PTPRG: variants seen among roughly 807,000 people sequenced by gnomAD.
PTPRG encodes protein tyrosine phosphatase receptor type G, also known as receptor-type tyrosine-protein phosphatase gamma.
A neutral mutation model predicts 165.3 loss-of-function variants in PTPRG; 102 were observed. That is an observed-to-expected ratio of 0.62 (90% confidence interval 0.53 to 0.73). PTPRG has a LOEUF of 0.73. Ranked by LOEUF, PTPRG falls within the 30% of genes least tolerant of loss-of-function variation. PTPRG has a pLI of 0.00. For missense variants in PTPRG, 1,866 were observed against 1,861.4 expected, an observed-to-expected ratio of 1.00 and a Z score of -0.05; for synonymous variants, 675 against 669.5, an observed-to-expected ratio of 1.01 and a Z score of -0.13.
At chr3:61,873,107 T>G (rs2037628087) in intron 2 of PTPRG, among the ~76,000 whole-genome samples, 1 of 152,194 alleles carries the variant, frequency 6.6e-6, no homozygotes, top group African/African-American at 2.4e-5. Context: ...TCAGTAAAGT[T>G]GAAGATTTCT....
At chr3:61,858,666 TATA>T (rs2037179979) in intron 2 of PTPRG, among the ~76,000 whole-genome samples, 1 of 152,192 alleles carries the variant, frequency 6.6e-6, no homozygotes, top group Non-Finnish European at 1.5e-5. Flanking sequence ...GAAACACTAT[TATA>T]ATAAATATGA....
At chr3:61,742,374 T>C (rs1340810490) in intron 1 of PTPRG, 4 of 1,007,934 alleles carry the variant, frequency 4.0e-6, no homozygotes, top group Admixed American at 2.9e-5. Context: ...GACATTTTTA[T>C]AGGAAGAAAT....
At chr3:62,232,846 T>C (rs918502902) in intron 14 of PTPRG, among the ~76,000 whole-genome samples, 1 of 152,194 alleles carries the variant, frequency 6.6e-6, no homozygotes, top group Non-Finnish European at 1.5e-5. Flanking sequence ...TGATTGTGAA[T>C]CATATCATTT....
intron 2 of PTPRG, among the ~76,000 whole-genome samples, chr3:61,844,652 A>G (rs2036752943): frequency 6.9e-6 from 1 of 145,086 alleles, no homozygotes; most frequent in African/African-American, 2.6e-5. Context: ...ACGCCGCCAC[A>G]TCTGGCTTTT....
chr3:61,863,809 G>A (rs1248083198), intron 2 of PTPRG, among the ~76,000 whole-genome samples: 1 of 152,212 alleles, frequency 6.6e-6, no homozygotes, highest in African/African-American at 2.4e-5. Context: ...ACCTTTGAAT[G>A]TGCAGTTCAA....
At chr3:62,003,522 G>T (rs138601102) in intron 4 of PTPRG, 25 bp downstream of exon 4, 4 of 1,611,752 alleles carry the variant, frequency 2.5e-6, no homozygotes, top group Non-Finnish European at 3.4e-6. Flanking sequence ...AGATCTCAAC[G>T]TGTAGCTGTG....
Position 61,835,917 on chromosome 3 carries a change from G to A in PTPRG, c.190+86935G>A, listed in dbSNP as rs555781520. Among the ~76,000 whole-genome samples, 1,187 of 151,924 alleles carry A rather than the reference G, an allele frequency of 7.8e-3. 9 individuals carry two copies. The highest frequency in any genetic ancestry group is 0.013 in the Non-Finnish European group (868 of 67,958). On this transcript the variant is annotated intron_variant, in intron 2 of 29. Coordinates refer to ENST00000474889, the MANE Select transcript of PTPRG (RefSeq NM_002841.4). Reference sequence around the variant, plus strand: ...TAGCCAGGCATGGTGGCACATGCCTGTAATTCCAGCTACTTGGGAGGCTAA... The same window carrying A: ...TAGCCAGGCATGGTGGCACATGCCTATAATTCCAGCTACTTGGGAGGCTAA...
At chr3:61,772,766 A>G (rs1046275322) in intron 2 of PTPRG, among the ~76,000 whole-genome samples, 6 of 152,196 alleles carry the variant, frequency 3.9e-5, no homozygotes, top group African/African-American at 1.4e-4. Context: ...GCTTTTTCAC[A>G]CTACCAAAGC....
At chr3:61,715,044 A>G (rs1237336741) in intron 1 of PTPRG, among the ~76,000 whole-genome samples, 3 of 152,214 alleles carry the variant, frequency 2.0e-5, no homozygotes, top group African/African-American at 7.2e-5. Context: ...GTGAAGAAAC[A>G]TTGCTGGTCA....
At chr3:61,755,875 C>T (rs533950418) in intron 2 of PTPRG, among the ~76,000 whole-genome samples, 2 of 152,094 alleles carry the variant, frequency 1.3e-5, no homozygotes, top group South Asian at 4.1e-4. Context: ...AGAGCTTCAC[C>T]TGGAATTGGA....
intron 2 of PTPRG, among the ~76,000 whole-genome samples, chr3:61,965,482 C>T (rs71296750): frequency 0.21 from 27,866 of 134,486 alleles, 3,044 homozygotes; most frequent in African/African-American, 0.27. Context: ...AGCAAGACTC[C>T]GTCTCAAAAA....
intron 2 of PTPRG, among the ~76,000 whole-genome samples, chr3:61,940,893 T>G (rs1397693106): frequency 6.6e-6 from 1 of 152,142 alleles, no homozygotes; most frequent in Non-Finnish European, 1.5e-5. Flanking sequence ...CTCGATCTCC[T>G]GACCTCATGA....
intron 8 of PTPRG, among the ~76,000 whole-genome samples, chr3:62,186,278 A>G (rs1705881039): frequency 6.6e-6 from 1 of 152,140 alleles, no homozygotes; most frequent in Non-Finnish European, 1.5e-5. Flanking sequence ...TGTGGCACTG[A>G]TTTTGTACAT....
Position 62,037,289 on chromosome 3 carries a change from G to C in PTPRG, c.519+33792G>C, listed in dbSNP as rs1699977586. On this transcript the variant is annotated intron_variant, in intron 4 of 29. Transcript: ENST00000474889. ...TTATTGACATGGTGCCAGATCACCA[G>C]GTTGGTGGAACTTGTCTCTTGATGT... Among the ~76,000 whole-genome samples the C allele has an allele frequency of 2.0e-5, 3 of 152,156 alleles. No homozygotes were observed. In the South Asian group the frequency reaches 6.2e-4, roughly 32 times the overall value.
At chr3:61,600,159 C>CAAAAAAA (rs376881197) in intron 1 of PTPRG, among the ~76,000 whole-genome samples, 2 of 113,560 alleles carry the variant, frequency 1.8e-5, no homozygotes, top group Admixed American at 9.3e-5. Flanking sequence ...GACATTGTCT[C>CAAAAAAA]AAAAAAAAAA....
intron 3 of PTPRG, among the ~76,000 whole-genome samples, chr3:61,996,268 A>G (rs2041038099): frequency 1.3e-5 from 2 of 152,084 alleles, no homozygotes; most frequent in African/African-American, 4.8e-5. Context: ...CCCCAAATGT[A>G]TTTCTGGGAG....
Position 62,142,628 on chromosome 3 carries a change from C to G in PTPRG, c.682+9960C>G, listed in dbSNP as rs546791698. Among the ~76,000 whole-genome samples the G allele has an allele frequency of 2.0e-5, 3 of 152,270 alleles. No individual in the cohort carries two copies. The East Asian group carries it at 5.8e-4, about 29-fold the overall frequency. On this transcript the variant is annotated intron_variant, in intron 6 of 29. Transcript: ENST00000474889. Reference sequence around the variant, plus strand: ...GGGGAGTGACAGCACTTTTTAAAAACTTTCTTACCATAACTACCCCTGACA... The same window carrying G: ...GGGGAGTGACAGCACTTTTTAAAAAGTTTCTTACCATAACTACCCCTGACA...
chr3:61,964,992 C>G (rs2040236126), intron 2 of PTPRG, among the ~76,000 whole-genome samples: 1 of 152,076 alleles, frequency 6.6e-6, no homozygotes, highest in African/African-American at 2.4e-5. Flanking sequence ...CCTGTAATTC[C>G]AGCACTTTGG....
intron 2 of PTPRG, among the ~76,000 whole-genome samples, chr3:61,859,529 G>A (rs2037201499): frequency 6.6e-6 from 1 of 151,224 alleles, no homozygotes; most frequent in Non-Finnish European, 1.5e-5. Flanking sequence ...GGAAAAATTT[G>A]TTTAAGCGAA....
Sources: allele counts gnomAD v4.1 joint callset (sites outside exome capture counted in the v4.1 genomes callset), GRCh38; gene constraint gnomAD v4.1.1; transcripts MANE v1.5; gene names NCBI Gene and HGNC (gene_info 2026-07-23, HGNC 2026-07-21).